RBMS3: variants seen among roughly 807,000 people sequenced by gnomAD.
The protein encoded by RBMS3 is RNA-binding motif, single-stranded-interacting protein 3.
In RBMS3, 27 loss-of-function variants were observed where a neutral mutation model predicts 66.8. That is an observed-to-expected ratio of 0.40 (90% CI 0.30 to 0.56). RBMS3 has a LOEUF of 0.56. Among genes scored for constraint, RBMS3 ranks in the 20% least tolerant of loss-of-function variants. RBMS3 has a pLI of 0.40. For synonymous variants in RBMS3, 188 were observed against 183.0 expected (o/e 1.03, Z -0.22); for missense variants, 513 against 549.5 (o/e 0.93, Z 0.66).
Position 30,008,426 on chromosome 3 carries a change from A to G in RBMS3, c.*4564A>G, listed in dbSNP as rs1410699318. ...ACAATGTTTATGTACGTGTATAACA[A>G]CATTCAGCACATTTGAGGAATCACA... On this transcript the variant is annotated 3_prime_UTR_variant, in exon 15 of 15. Coordinates refer to ENST00000383767, the MANE Select transcript of RBMS3 (RefSeq NM_001003793.3). The G allele has an allele frequency of 6.6e-6, 1 of 152,132 alleles. No homozygotes were observed. Among genetic ancestry groups the G allele is most frequent in the Non-Finnish European group, 1.5e-5 (1 of 67,974 alleles). 9.4% of individuals were successfully genotyped at this position (152,132 alleles called of 1,614,324 possible).
chr3:29,300,577 G>C (rs1345717824), intron 1 of RBMS3, among the ~76,000 whole-genome samples: 1 of 151,850 alleles, frequency 6.6e-6, no homozygotes, highest in Admixed American at 6.6e-5. Flanking sequence ...ATCTTTCTTT[G>C]AAATCTGTGT....
rs145467063 is a variant in RBMS3, at chr3:29,671,930, G to A, written c.400-67790G>A. On this transcript the variant is annotated intron_variant, in intron 4 of 14. Coordinates refer to ENST00000383767, the MANE Select transcript of RBMS3 (RefSeq NM_001003793.3). ...AACATTCAAATTAAGGAAATACATA[G>A]AACACCACAAAGATACTCCTTGAGA... is the stretch of plus-strand genomic sequence containing the variant. 6.3e-3 allele frequency among the ~76,000 whole-genome samples: 953 copies of A among 152,164 alleles called. 8 individuals carry two copies. Among genetic ancestry groups the A allele is most frequent in the African/African-American group, 0.021 (889 of 41,520 alleles).
At chr3:29,412,844 G>A (rs1266360158) in intron 1 of RBMS3, among the ~76,000 whole-genome samples, 1 of 152,222 alleles carries the variant, frequency 6.6e-6, no homozygotes, top group Non-Finnish European at 1.5e-5. Flanking sequence ...GTTTCTCAGA[G>A]GAGGTGAAAT....
intron 2 of RBMS3, among the ~76,000 whole-genome samples, chr3:29,457,827 C>CT (rs36020077): frequency 0.086 from 12,031 of 140,646 alleles, 559 homozygotes; most frequent in Non-Finnish European, 0.12. Context: ...TCAATTTGCA[C>CT]TTTTTTTTTT....
At chr3:29,824,973 G>A (rs1472286553) in intron 6 of RBMS3, among the ~76,000 whole-genome samples, 1 of 151,598 alleles carries the variant, frequency 6.6e-6, no homozygotes, top group Non-Finnish European at 1.5e-5. Flanking sequence ...GATAGTAAAT[G>A]AGGACATTAT....
chr3:29,685,461 A>G (rs547375181), intron 4 of RBMS3, among the ~76,000 whole-genome samples: 1 of 152,068 alleles, frequency 6.6e-6, no homozygotes, highest in Non-Finnish European at 1.5e-5. Flanking sequence ...TTGCTATTTA[A>G]GCTCTATTCT....
At chr3:29,582,475 A>G (rs2047367946) in intron 3 of RBMS3, among the ~76,000 whole-genome samples, 1 of 152,212 alleles carries the variant, frequency 6.6e-6, no homozygotes, top group South Asian at 2.1e-4. Flanking sequence ...AGTGACATTC[A>G]GTTTTAATTC....
chr3:29,385,011 C>T (rs1171704860), intron 1 of RBMS3, among the ~76,000 whole-genome samples: 1 of 151,994 alleles, frequency 6.6e-6, no homozygotes, highest in Non-Finnish European at 1.5e-5. Flanking sequence ...GAACAAACCT[C>T]CTCATCTTTG....
chr3:29,956,885 G>A (rs1010036226), intron 12 of RBMS3, among the ~76,000 whole-genome samples: 1 of 152,022 alleles, frequency 6.6e-6, no homozygotes, highest in African/African-American at 2.4e-5. Context: ...TCATGATCCT[G>A]ATGCCTCCTT....
intron 1 of RBMS3, among the ~76,000 whole-genome samples, chr3:29,325,715 C>G (rs942859583): frequency 6.6e-6 from 1 of 151,946 alleles, no homozygotes; most frequent in Non-Finnish European, 1.5e-5. Flanking sequence ...TATCCAAACT[C>G]ACAGGTGTTC....
At chr3:29,566,050 T>C (rs2046730776) in intron 3 of RBMS3, among the ~76,000 whole-genome samples, 2 of 152,226 alleles carry the variant, frequency 1.3e-5, no homozygotes, top group South Asian at 4.1e-4. Context: ...GCTTTTAATT[T>C]GTTAGGAATT....
chr3:29,788,689 A>G (rs904300130), intron 6 of RBMS3, among the ~76,000 whole-genome samples: 2 of 152,248 alleles, frequency 1.3e-5, no homozygotes, highest in Admixed American at 1.3e-4. Context: ...TGAACAATAT[A>G]AAAATGAAAA....
chr3:29,736,201 A>G (rs2054370734), intron 4 of RBMS3, among the ~76,000 whole-genome samples: 1 of 152,226 alleles, frequency 6.6e-6, no homozygotes, highest in African/African-American at 2.4e-5. Flanking sequence ...CATTCATTTC[A>G]AAGAACAGAA....
intron 4 of RBMS3, among the ~76,000 whole-genome samples, chr3:29,733,755 C>T (rs2054241553): frequency 1.3e-5 from 2 of 151,888 alleles, no homozygotes; most frequent in Admixed American, 6.6e-5. Context: ...GGATACAGTC[C>T]CATTAGCCCG....
rs542779783 is a variant in RBMS3 at position 29,791,557 on chromosome 3, G to A, written c.637+28568G>A. On this transcript the variant is annotated intron_variant, in intron 6 of 14. Transcript: ENST00000383767. Reference sequence around the variant, plus strand: ...CTTTTTGAAAGATGGCTTTGAACTCGGACCAGTCTATAAGGAATAGATTTT... The same window carrying A: ...CTTTTTGAAAGATGGCTTTGAACTCAGACCAGTCTATAAGGAATAGATTTT... 1.1e-4 allele frequency among the ~76,000 whole-genome samples: 17 copies of A among 151,850 alleles called. No individual in the cohort carries two copies. The South Asian group carries it at 2.9e-3, about 26-fold the overall frequency.
At chr3:29,549,120 A>G (rs2046091060) in intron 3 of RBMS3, among the ~76,000 whole-genome samples, 1 of 103,788 alleles carries the variant, frequency 9.6e-6, no homozygotes, top group South Asian at 3.0e-4. Flanking sequence ...CTATACTTAT[A>G]TCTTCCTTAT....
chr3:29,662,625 T>A (rs1189720194), intron 4 of RBMS3, among the ~76,000 whole-genome samples: 2 of 152,174 alleles, frequency 1.3e-5, no homozygotes, highest in South Asian at 2.1e-4. Flanking sequence ...CACCCCAAAG[T>A]GCTCTGATCA....
At chr3:29,635,508 G>A (rs149700245) in intron 4 of RBMS3, among the ~76,000 whole-genome samples, 146 of 151,922 alleles carry the variant, frequency 9.6e-4, no homozygotes, top group African/African-American at 3.5e-3. Context: ...GTGAAACTCT[G>A]GCACAAGCCA....
chr3:29,928,180 T>TTATATATATATA (rs1199975605), intron 10 of RBMS3, among the ~76,000 whole-genome samples: 14 of 102,570 alleles, frequency 1.4e-4, no homozygotes, highest in African/African-American at 4.1e-4. Context: ...TCTTCAAATT[T>TTATATATATATA]TATATATATA....
Sources: gnomAD v4.1 joint callset for allele counts (sites outside exome capture counted in the v4.1 genomes callset) on GRCh38, gnomAD v4.1.1 for gene constraint, MANE v1.5 for transcripts, NCBI Gene and HGNC (gene_info 2026-07-23, HGNC 2026-07-21) for gene names.